ANXA6: variants seen among roughly 807,000 people sequenced by gnomAD.
ANXA6 encodes 67 kDa calelectrin.
In ANXA6, 71 loss-of-function variants were observed where a neutral mutation model predicts 95.4. The observed-to-expected ratio is 0.74, with a 90% CI of 0.61 to 0.91. The LOEUF is 0.91. Among genes scored for constraint, ANXA6 ranks in the 40% least tolerant of loss-of-function variants. The pLI is 0.00. For missense variants in ANXA6, 830 were observed against 876.4 expected, an observed-to-expected ratio of 0.95 and a Z score of 0.67; for synonymous variants, 289 against 315.9, an observed-to-expected ratio of 0.91 and a Z score of 0.90.
chr5:151,119,112 T>C (rs1452131880), intron 18 of ANXA6, among the ~76,000 whole-genome samples, 188 bp downstream of exon 18: 1 of 152,154 alleles, frequency 6.6e-6, no homozygotes, highest in Non-Finnish European at 1.5e-5. Context: ...CCTCCAGGCC[T>C]TTGTCCTACC....
At chr5:151,113,461 A>G (rs1764907308) in intron 20 of ANXA6, among the ~76,000 whole-genome samples, 1 of 152,208 alleles carries the variant, frequency 6.6e-6, no homozygotes, top group Non-Finnish European at 1.5e-5. Flanking sequence ...TTTATCAAAA[A>G]TTTGTAAAAA....
chr5:151,110,808 G>A (rs1311150374), intron 20 of ANXA6, among the ~76,000 whole-genome samples, 164 bp from the exon 21 acceptor site: 1 of 152,120 alleles, frequency 6.6e-6, no homozygotes, highest in Non-Finnish European at 1.5e-5. Context: ...AGGAAGGGGG[G>A]TAGGGACAAG....
chr5:151,108,624 C>A, intron 22 of ANXA6, 74 bp from the exon 23 acceptor site: 1 of 1,241,424 alleles, frequency 8.1e-7, no homozygotes, highest in Non-Finnish European at 1.2e-6. Flanking sequence ...CTCAGCCCCA[C>A]CCAGTGCCTC....
intron 1 of ANXA6, chr5:151,151,020 T>C (rs1483347978): frequency 3.3e-5 from 5 of 152,232 alleles, no homozygotes; most frequent in Non-Finnish European, 1.5e-5. Context: ...CAAGGAGAGA[T>C]GGCTTCAAGG....
chr5:151,119,552 C>T (rs560189041), intron 17 of ANXA6, among the ~76,000 whole-genome samples, 162 bp from the exon 18 acceptor site: 26 of 152,326 alleles, frequency 1.7e-4, no homozygotes, highest in African/African-American at 4.3e-4. Context: ...CCAAGGCTGA[C>T]TATGCCAGCC....
At chr5:151,104,020 C>T (rs1764623282) in intron 24 of ANXA6, among the ~76,000 whole-genome samples, 1 of 152,128 alleles carries the variant, frequency 6.6e-6, no homozygotes, top group South Asian at 2.1e-4. Context: ...AAGCCTAAAC[C>T]AATAACCAAT....
chr5:151,155,651 G>C (rs1415160536), intron 1 of ANXA6: 1 of 152,234 alleles, frequency 6.6e-6, no homozygotes, highest in African/African-American at 2.4e-5. Context: ...GTATATCGGA[G>C]AGGCTGGGTG....
rs115031649 is a variant in ANXA6, at chr5:151,110,429, A to T, written c.1590+198T>A. Reference sequence around the variant, plus strand: ...TAATAGCTGGTGGTTACACAGCACAAATCGTGCCAGAGATGATTAGCTGAA... The same window carrying T: ...TAATAGCTGGTGGTTACACAGCACATATCGTGCCAGAGATGATTAGCTGAA... On this transcript the variant is annotated intron_variant, in intron 21 of 25. Transcript: ENST00000354546. Among the ~76,000 whole-genome samples, 1,052 of 152,342 alleles carry T rather than the reference A, an allele frequency of 6.9e-3. 18 individuals carry two copies. Among genetic ancestry groups the T allele is most frequent in the African/African-American group, 0.024 (997 of 41,586 alleles).
At chr5:151,123,074 C>T (rs575672299) in intron 15 of ANXA6, 63 bp from the exon 16 acceptor site, 25 of 1,377,106 alleles carry the variant, frequency 1.8e-5, no homozygotes, top group Admixed American at 1.3e-4. Context: ...CCCCATGCAC[C>T]GCCCACTGAT....
chr5:151,109,960 C>T, intron 21 of ANXA6, 114 bp from the exon 22 acceptor site: 2 of 781,336 alleles, frequency 2.6e-6, no homozygotes, highest in Non-Finnish European at 4.3e-6. Context: ...CTGGGCTCAC[C>T]CAGCCATCCA....
intron 15 of ANXA6, 46 bp from the exon 16 acceptor site, chr5:151,123,057 C>G: frequency 6.5e-7 from 1 of 1,529,620 alleles, no homozygotes; most frequent in South Asian, 1.1e-5. Flanking sequence ...CTGTGGCTCT[C>G]GGCTTTCCCC....
chr5:151,128,345 A>G, intron 12 of ANXA6, 106 bp from the exon 13 acceptor site: 1 of 947,862 alleles, frequency 1.1e-6, no homozygotes, highest in African/African-American at 1.6e-5. Flanking sequence ...CTGAATGAAC[A>G]CTTATTCATA....
At chr5:151,110,598 A>G in intron 21 of ANXA6, 29 bp downstream of exon 21, 2 of 1,612,450 alleles carry the variant, frequency 1.2e-6, no homozygotes, top group Middle Eastern at 1.7e-4. Flanking sequence ...AGAGGCCGTT[A>G]AAACCCAAAT....
intron 4 of ANXA6, 94 bp from the exon 5 acceptor site, chr5:151,138,885 G>GTGC (rs1370561710): frequency 1.2e-6 from 1 of 857,884 alleles, no homozygotes; most frequent in East Asian, 2.6e-5. Context: ...ACTCTGGCAG[G>GTGC]TGCTGGGCTA....
intron 5 of ANXA6, among the ~76,000 whole-genome samples, chr5:151,137,529 C>T (rs546415466): frequency 6.6e-6 from 1 of 152,194 alleles, no homozygotes; most frequent in East Asian, 1.9e-4. Context: ...AATCTCATGT[C>T]GAATCGTAGA....
In ANXA6 at chr5:151,137,307, A is replaced by C. The variant is rs780878317; in HGVS notation, c.333T>G (p.Asp111Glu). 3.1e-6 allele frequency: 5 copies of C among 1,613,180 alleles called. No individual in the cohort carries two copies. The highest frequency in any genetic ancestry group is 4.2e-6 in the Non-Finnish European group (5 of 1,179,714). The change falls in exon 6 of 26, where the codon GAT becomes GAG. Residue 111 changes from aspartate (D) to glutamate (E), a missense_variant. Transcript: ENST00000354546. ...CCAAGATCTCAATGAGGCACTTCTCATCAGTGCCAATGCCCTGGGGGTAGA... is the reference window on the plus strand; with the variant it reads ...CCAAGATCTCAATGAGGCACTTCTCCTCAGTGCCAATGCCCTGGGGGTAGA... ...IKDAISGIGT[D>E]EKCLIEILAS...
chr5:151,108,567 C>T lies in ANXA6; in HGVS notation c.1685-17G>A. 6.2e-7 allele frequency: 1 copy of T among 1,611,294 alleles called. No homozygotes were observed. Among genetic ancestry groups the T allele is most frequent in the Non-Finnish European group, 8.5e-7 (1 of 1,177,446 alleles). ...CCTGGAAGACTGGCCACAAGAGAAG[C>T]CCCAGAGGTGGGGGTGAGCTTCAGT... On this transcript the variant is annotated splice_polypyrimidine_tract_variant and intron_variant, in intron 22 of 25. Coordinates refer to ENST00000354546, the MANE Select transcript of ANXA6 (RefSeq NM_001155.5).
In ANXA6 at chr5:151,129,467, C is replaced by G. The variant is rs773345885; in HGVS notation, c.858G>C (p.Met286Ile). Residue 286 changes from methionine (M) to isoleucine (I), a missense_variant, in exon 12 of 26, where the codon ATG becomes ATC. Coordinates refer to ENST00000354546, the MANE Select transcript of ANXA6 (RefSeq NM_001155.5). The stretch of plus-strand genomic sequence containing the variant: ...TCCGGAAGATCTCCCGAATGTCGAG[C>G]ATGTCCAACTCACTACGGGAGACCA... ...RIMVSRSELD[M>I]LDIREIFRTK... is the part of the protein sequence containing the mutation. 5 of 1,613,152 alleles carry G rather than the reference C, an allele frequency of 3.1e-6. No homozygotes were observed. The highest frequency in any genetic ancestry group is 4.2e-6 in the Non-Finnish European group (5 of 1,179,722).
intron 4 of ANXA6, 34 bp downstream of exon 4, chr5:151,139,319 C>G: frequency 6.8e-7 from 1 of 1,466,634 alleles, no homozygotes; most frequent in Non-Finnish European, 9.4e-7. Flanking sequence ...TTCTTCCACC[C>G]GCACCCCATG....
Sources: allele counts gnomAD v4.1 joint callset (sites outside exome capture counted in the v4.1 genomes callset), GRCh38; gene constraint gnomAD v4.1.1; transcripts MANE v1.5; gene names NCBI Gene and HGNC (gene_info 2026-07-23, HGNC 2026-07-21).